The following POLN variants were observed in gnomAD, a reference collection of about 807,000 sequenced individuals.
POLN encodes the protein DNA polymerase N.
In POLN, 108 loss-of-function variants were observed where a neutral mutation model predicts 113.5. The observed-to-expected ratio is 0.95, with a 90% CI of 0.81 to 1.12. The LOEUF (loss-of-function observed/expected upper bound fraction) is 1.12. Among genes scored for constraint, POLN ranks in the 50% most tolerant of loss-of-function variants. POLN has a pLI of 0.00. For missense variants in POLN, 1,097 were observed against 1,077.1 expected (o/e 1.02, Z -0.26); for synonymous variants, 386 against 391.5 (o/e 0.99, Z 0.17).
At chr4:2,240,892 C>G (rs1280118331) in intron 2 of POLN, 1 of 1,604,124 alleles carries the variant, frequency 6.2e-7, no homozygotes, top group African/African-American at 1.3e-5. Context: ...AGATTATCAG[C>G]TTTGGGATAA....
chr4:2,219,949 C>T (rs1434200835), intron 3 of POLN, among the ~76,000 whole-genome samples: 2 of 152,136 alleles, frequency 1.3e-5, no homozygotes, highest in South Asian at 2.1e-4. Context: ...ACCTTAGTTC[C>T]ACCTGCCTTG....
chr4:2,193,403 C>A, intron 6 of POLN, 87 bp from the exon 7 acceptor site: 3 of 786,870 alleles, frequency 3.8e-6, no homozygotes, highest in South Asian at 1.8e-5. Context: ...CAACTAACAG[C>A]TATCACTTAG....
chr4:2,185,522 G>T (rs1733249075), intron 7 of POLN, among the ~76,000 whole-genome samples: 1 of 152,212 alleles, frequency 6.6e-6, no homozygotes, highest in Non-Finnish European at 1.5e-5. Flanking sequence ...GAGGCAGGCA[G>T]ATTACTTGAG....
chr4:2,235,956 C>T (rs1577797799), intron 2 of POLN, among the ~76,000 whole-genome samples: 1 of 151,840 alleles, frequency 6.6e-6, no homozygotes. Context: ...AATACAGAGG[C>T]GGTTTTATTT....
At chr4:2,145,700 A>G (rs1374490954) in intron 16 of POLN, among the ~76,000 whole-genome samples, 1 of 152,236 alleles carries the variant, frequency 6.6e-6, no homozygotes, top group Non-Finnish European at 1.5e-5. Flanking sequence ...TGCAGGTGAG[A>G]ACATGAGTCA....
At chr4:2,111,453 CCT>C (rs1402057163) in intron 19 of POLN, among the ~76,000 whole-genome samples, 4 of 152,128 alleles carry the variant, frequency 2.6e-5, no homozygotes, top group South Asian at 2.1e-4. Flanking sequence ...TCAAATTGCC[CCT>C]GTTTGCAGAT....
intron 3 of POLN, among the ~76,000 whole-genome samples, chr4:2,214,625 G>A (rs1577778193): frequency 6.6e-6 from 1 of 152,196 alleles, no homozygotes; most frequent in Non-Finnish European, 1.5e-5. Context: ...GGAAACACAG[G>A]GGAAGAGGTA....
Position 2,241,705 on chromosome 4 carries a change from C to T in POLN, c.-198G>A. The T allele has an allele frequency of 6.1e-6, 6 of 985,494 alleles. No homozygotes were observed. Among genetic ancestry groups the T allele is most frequent in the Non-Finnish European group, 7.2e-6 (6 of 829,950 alleles). 61.0% of individuals were successfully genotyped at this position (985,494 alleles called of 1,614,324 possible). The stretch of plus-strand genomic sequence containing the variant: ...AGAGGCAGCGGCAAGCCCCAGGGAT[C>T]CGCGGCCCCAAGGCCGCGATACACC... On this transcript the variant is annotated 5_prime_UTR_variant, in exon 2 of 26. Transcript: ENST00000511885.
Position 2,208,246 on chromosome 4 carries a change from ATGCTTCCT to A in POLN, c.447_454del (p.Lys149AsnfsTer2), listed in dbSNP as rs1359710679. 5.1e-5 allele frequency: 81 copies of A among 1,587,286 alleles called. 1 individual carries two copies. The Admixed American group carries it at 1.4e-3, about 27-fold the overall frequency. ...TGTAATATGTTTTCTTTTAAGATTA[ATGCTTCCT>A]TTATTTTCATTATTTATATTCTCCA... On this transcript the variant is annotated frameshift_variant, in exon 5 of 26. Coordinates refer to ENST00000511885, the MANE Select transcript of POLN (RefSeq NM_181808.4). LOFTEE classifies it high-confidence loss of function.
At chr4:2,096,166 CCA>C (rs1221307281) in intron 19 of POLN, among the ~76,000 whole-genome samples, 1 of 152,250 alleles carries the variant, frequency 6.6e-6, no homozygotes, top group Non-Finnish European at 1.5e-5. Context: ...AAGCACCACC[CCA>C]CGTTCCCAGG....
chr4:2,089,768 G>A, intron 20 of POLN: 1 of 726,278 alleles, frequency 1.4e-6, no homozygotes, highest in Non-Finnish European at 2.3e-6. Flanking sequence ...TTTAAATCTG[G>A]TATTTCTTTG....
intron 19 of POLN, among the ~76,000 whole-genome samples, chr4:2,121,745 T>C (rs1041537702): frequency 6.6e-6 from 1 of 152,076 alleles, no homozygotes; most frequent in African/African-American, 2.4e-5. Flanking sequence ...TTTTTTGTCA[T>C]CCTTGTTAGA....
intron 19 of POLN, among the ~76,000 whole-genome samples, chr4:2,110,500 A>G (rs1731165330): frequency 6.6e-6 from 1 of 152,206 alleles, no homozygotes; most frequent in South Asian, 2.1e-4. Context: ...TAGCAAGACT[A>G]ATAAAGAAGA....
At position 2,127,138 on chromosome 4, in the gene POLN, G is replaced by A. The variant is rs1731600992; in HGVS notation, c.1982+975C>T. On this transcript the variant is annotated intron_variant, in intron 19 of 25. Coordinates refer to ENST00000511885, the MANE Select transcript of POLN (RefSeq NM_181808.4). The surrounding 1 kb of genome is among the most constrained non-coding windows in gnomAD (Gnocchi z 4.7). Reference sequence around the variant, plus strand: ...ATGAGCTGGGACGGAGGGTAGGGAGGGGTGAGGGGGCCATAGGGAGGGGTG... The same window carrying A: ...ATGAGCTGGGACGGAGGGTAGGGAGAGGTGAGGGGGCCATAGGGAGGGGTG... Among the ~76,000 whole-genome samples the A allele has an allele frequency of 6.6e-6, 1 of 151,662 alleles. No homozygotes were observed. Among genetic ancestry groups the A allele is most frequent in the South Asian group, 2.1e-4 (1 of 4,816 alleles).
intron 19 of POLN, among the ~76,000 whole-genome samples, chr4:2,106,752 T>C (rs761719146): frequency 3.9e-5 from 6 of 152,212 alleles, no homozygotes; most frequent in Non-Finnish European, 7.3e-5. Flanking sequence ...CATTGATCTA[T>C]TCTGGTTTTT....
chr4:2,083,784 G>A (rs1272784460), intron 21 of POLN, among the ~76,000 whole-genome samples: 1 of 152,268 alleles, frequency 6.6e-6, no homozygotes, highest in East Asian at 1.9e-4. Flanking sequence ...AGCTCAACCG[G>A]CTGTGGCCCC....
chr4:2,091,862 C>T (rs1364138040), intron 20 of POLN, among the ~76,000 whole-genome samples: 5 of 151,536 alleles, frequency 3.3e-5, no homozygotes, highest in African/African-American at 2.4e-5. Flanking sequence ...CCCTTTTCTC[C>T]GAGTGCTCTT....
chr4:2,203,043 A>G (rs1733754576), intron 5 of POLN, among the ~76,000 whole-genome samples: 1 of 152,198 alleles, frequency 6.6e-6, no homozygotes, highest in Admixed American at 6.5e-5. Context: ...ACCACAGAAT[A>G]TACATTCTAT....
Position 2,075,346 on chromosome 4 carries a change from A to G in POLN, c.2455+106T>C, listed in dbSNP as rs35557113. 359 of 1,236,426 alleles carry G rather than the reference A, an allele frequency of 2.9e-4. 2 individuals are homozygous for G. In the East Asian group the frequency reaches 8.6e-3, roughly 30 times the overall value. 76.6% of individuals were successfully genotyped at this position (1,236,426 alleles called of 1,614,324 possible). ...AGCAATGAGGTGGGGCAGGGGCCATAAAAGGGAAGACAGCTGAGGGGCTTT... is the reference window on the plus strand; with the variant it reads ...AGCAATGAGGTGGGGCAGGGGCCATGAAAGGGAAGACAGCTGAGGGGCTTT... On this transcript the variant is annotated intron_variant, in intron 24 of 25. Coordinates refer to ENST00000511885, the MANE Select transcript of POLN (RefSeq NM_181808.4).
Sources: allele counts gnomAD v4.1 joint callset (sites outside exome capture counted in the v4.1 genomes callset), GRCh38; gene constraint gnomAD v4.1.1; non-coding constraint Gnocchi (gnomAD v3.1); transcripts MANE v1.5; gene names NCBI Gene and HGNC (gene_info 2026-07-23, HGNC 2026-07-21).